CEP126: variants seen among roughly 807,000 people sequenced by gnomAD.
CEP126 encodes centrosomal protein of 126 kDa.
Under a neutral mutation model 107.8 loss-of-function variants are expected in CEP126, and 74 were observed. That is an observed-to-expected ratio of 0.69 (90% CI 0.57 to 0.83). CEP126 has a LOEUF of 0.83. Ranked by LOEUF, CEP126 falls within the 40% of genes least tolerant of loss-of-function variation. CEP126 has a pLI of 0.00. For synonymous variants in CEP126, 449 were observed against 446.0 expected, an observed-to-expected ratio of 1.01 and a Z score of -0.08; for missense variants, 1,237 against 1,281.9, an observed-to-expected ratio of 0.96 and a Z score of 0.53.
rs144875493 is a variant in CEP126 at position 101,963,094 on chromosome 11, A to G, written c.2059A>G (p.Lys687Glu). ...STCAVNSADT[K>E]KSREDSISEN... is the part of the protein sequence containing the mutation. ...TTGTGCTGTAAATTCTGCTGATACA[A>G]AGAAGTCCAGGGAGGATTCTATCTC... The change falls in exon 6 of 11, where the codon AAG becomes GAG. Residue 687 changes from lysine (K) to glutamate (E), a missense_variant. Coordinates refer to ENST00000263468, the MANE Select transcript of CEP126 (RefSeq NM_020802.4). 117 of 1,614,016 alleles carry G rather than the reference A, an allele frequency of 7.2e-5. No homozygotes were observed. The highest frequency in any genetic ancestry group is 8.6e-5 in the Non-Finnish European group (102 of 1,180,010).
intron 2 of CEP126, among the ~76,000 whole-genome samples, chr11:101,936,772 A>G (rs990256237): frequency 6.6e-6 from 1 of 152,190 alleles, no homozygotes; most frequent in Non-Finnish European, 1.5e-5. Flanking sequence ...ATGAATGTGC[A>G]TTGAATACTG....
intron 1 of CEP126, chr11:101,916,522 C>A (rs1012933571): frequency 6.6e-6 from 1 of 152,256 alleles, no homozygotes; most frequent in Non-Finnish European, 1.5e-5. Flanking sequence ...TTCCTCTCAT[C>A]TATTCATTAT....
At chr11:101,984,296 C>T (rs569794458) in intron 8 of CEP126, among the ~76,000 whole-genome samples, 1 of 152,180 alleles carries the variant, frequency 6.6e-6, no homozygotes, top group African/African-American at 2.4e-5. Context: ...GCATTCCTGG[C>T]ACAACCTCTG....
chr11:101,926,970 T>C (rs1228606741), intron 2 of CEP126, among the ~76,000 whole-genome samples: 1 of 152,192 alleles, frequency 6.6e-6, no homozygotes, highest in Non-Finnish European at 1.5e-5. Context: ...AGTTCTTGCA[T>C]TGAGGATTAT....
chr11:101,995,837 A>G (rs1247774086), intron 10 of CEP126, among the ~76,000 whole-genome samples: 1 of 152,256 alleles, frequency 6.6e-6, no homozygotes. Flanking sequence ...TTTGCATTGT[A>G]TAAGTGGTCT....
intron 4 of CEP126, among the ~76,000 whole-genome samples, chr11:101,948,445 A>G (rs1419381017): frequency 6.6e-6 from 1 of 152,186 alleles, no homozygotes; most frequent in Non-Finnish European, 1.5e-5. Flanking sequence ...TAAAATGTTT[A>G]TATCTTTACT....
intron 2 of CEP126, among the ~76,000 whole-genome samples, chr11:101,935,916 G>T (rs987170924): frequency 2.0e-5 from 3 of 152,040 alleles, no homozygotes; most frequent in Non-Finnish European, 4.4e-5. Flanking sequence ...AGATCCACTT[G>T]AGGGGGAAGG....
chr11:101,993,264 T>C (rs1334638509), intron 10 of CEP126, among the ~76,000 whole-genome samples: 3 of 152,178 alleles, frequency 2.0e-5, no homozygotes, highest in African/African-American at 7.2e-5. Flanking sequence ...TTTGTGTTCA[T>C]GTGTACTCAA....
rs140571953 is a variant in CEP126 at position 101,963,494 on chromosome 11, A to C, written c.2459A>C (p.Gln820Pro). The C allele has an allele frequency of 1.2e-6, 2 of 1,614,070 alleles. No individual in the cohort carries two copies. The highest frequency in any genetic ancestry group is 1.7e-6 in the Non-Finnish European group (2 of 1,179,968). ...AGTGGTAAAAATATACAAGTGTCTC[A>C]GTGTCAACCAGTAACTCCTGAAAAT... ...IRSGKNIQVS[Q>P]CQPVTPENPQ... is the part of the protein sequence containing the mutation. The change falls in exon 6 of 11, where the codon CAG (glutamine) becomes CCG (proline). Residue 820 changes from glutamine to proline, a missense_variant. Around this residue, in one of 3 missense-constraint regions of CEP126, gnomAD observed 1,134 missense variants for 1,150.5 expected, o/e 0.99. Coordinates refer to ENST00000263468, the MANE Select transcript of CEP126 (RefSeq NM_020802.4).
chr11:101,973,726 A>T (rs531680039), intron 6 of CEP126, among the ~76,000 whole-genome samples: 1 of 152,168 alleles, frequency 6.6e-6, no homozygotes, highest in Non-Finnish European at 1.5e-5. Flanking sequence ...CTTTAGCCCT[A>T]TTTGTCTGGA....
rs148511798 is a variant in CEP126 at position 101,962,772 on chromosome 11, A to G, written c.1737A>G (p.Leu579=). The G allele has an allele frequency of 1.2e-5, 19 of 1,604,558 alleles. No homozygotes were observed. In the African/African-American group the frequency reaches 2.0e-4, roughly 17 times the overall value. Residue 579 remains leucine, a synonymous_variant, in exon 6 of 11, where the codon TTA becomes TTG. Transcript: ENST00000263468. ...RNGVRFLKSI[L]KKESKYEHGY... The stretch of plus-strand genomic sequence containing the variant: ...GTGTGAGATTTCTTAAAAGTATTTT[A>G]AAGAAAGAATCTAAATATGAACATG...
Position 101,962,173 on chromosome 11 carries a change from G to A in CEP126, c.1138G>A (p.Asp380Asn), listed in dbSNP as rs767006537. The change falls in exon 6 of 11, where the codon GAT becomes AAT. Residue 380 changes from aspartate to asparagine, a missense_variant. Asp to Asn is a conservative substitution (Grantham distance 23, BLOSUM62 1). Around this residue, in one of 3 missense-constraint regions of CEP126, gnomAD observed 1,134 missense variants for 1,150.5 expected, o/e 0.99. Transcript: ENST00000263468. ...ATCTAGCCCACCCATGTTTGTACTA[G>A]ATAAAAAATGTGAAAAGACCTCTGA... ...FVSSPPMFVLDKKCEKTSETS... is the reference protein window; with the variant it reads ...FVSSPPMFVLNKKCEKTSETS... 6.2e-7 allele frequency: 1 copy of A among 1,613,672 alleles called. No homozygotes were observed. Among genetic ancestry groups the A allele is most frequent in the South Asian group, 1.1e-5 (1 of 91,006 alleles).
In CEP126 at chr11:101,961,772, A is replaced by T. The variant is rs763111492; in HGVS notation, c.737A>T (p.Asn246Ile). Residue 246 changes from asparagine (N) to isoleucine (I), a missense_variant, in exon 6 of 11, where the codon AAT (asparagine) becomes ATT (isoleucine). Physicochemically the swap from Asn to Ile is moderately radical, Grantham distance 149 (BLOSUM62 -3). This residue lies in a region of CEP126 where 1,134 missense variants were observed against 1,150.5 expected (regional missense o/e 0.99). Transcript: ENST00000263468. ...KFCDEVNQITNSETLSSIDSL... is the reference protein window; with the variant it reads ...KFCDEVNQITISETLSSIDSL... Reference sequence around the variant, plus strand: ...TGTGATGAAGTTAATCAGATAACCAATTCTGAAACCCTCTCAAGTATAGAC... The same window carrying T: ...TGTGATGAAGTTAATCAGATAACCATTTCTGAAACCCTCTCAAGTATAGAC... 1.3e-6 allele frequency: 2 copies of T among 1,557,292 alleles called. No individual in the cohort carries two copies. Among genetic ancestry groups the T allele is most frequent in the Non-Finnish European group, 1.7e-6 (2 of 1,156,324 alleles).
chr11:101,924,268 A>T (rs10895221), intron 2 of CEP126, among the ~76,000 whole-genome samples: 8,502 of 152,260 alleles, frequency 0.056, 460 homozygotes, highest in East Asian at 0.26. Context: ...TTCACCTTTT[A>T]TAAGGGGGCT....
intron 2 of CEP126, among the ~76,000 whole-genome samples, chr11:101,934,963 A>T (rs1481370390): frequency 6.6e-6 from 1 of 152,086 alleles, no homozygotes; most frequent in Non-Finnish European, 1.5e-5. Flanking sequence ...TTAACCATAT[A>T]AGAAGATGTC....
chr11:101,915,278 G>C lies in CEP126; in HGVS notation c.-7G>C. On this transcript the variant is annotated 5_prime_UTR_variant, in exon 1 of 11. Coordinates refer to ENST00000263468, the MANE Select transcript of CEP126 (RefSeq NM_020802.4). ...GGGCGAGCAGACAGGCGGCGCTGAA[G>C]TGAAGGATGCTGGCGGGGAGGCCCG... is the stretch of plus-strand genomic sequence containing the variant. 6.2e-7 allele frequency: 1 copy of C among 1,613,560 alleles called. No individual in the cohort carries two copies. Among genetic ancestry groups the C allele is most frequent in the Non-Finnish European group, 8.5e-7 (1 of 1,179,912 alleles).
intron 1 of CEP126, among the ~76,000 whole-genome samples, chr11:101,920,496 T>TA (rs150898202): frequency 6.6e-6 from 1 of 152,016 alleles, no homozygotes; most frequent in Non-Finnish European, 1.5e-5. Context: ...CTGTTTGTTC[T>TA]AAAAAAGACA....
At chr11:101,964,255 A>G (rs1323433807) in intron 6 of CEP126, among the ~76,000 whole-genome samples, 1 of 151,274 alleles carries the variant, frequency 6.6e-6, no homozygotes, top group Non-Finnish European at 1.5e-5. Context: ...GTGAGCCGAG[A>G]TCATGTCACT....
rs188576103 is a variant in CEP126 at position 101,936,825 on chromosome 11, C to G, written c.249-7440C>G. Among the ~76,000 whole-genome samples the G allele has an allele frequency of 2.7e-3, 407 of 152,244 alleles. 2 individuals are homozygous for G. The highest frequency in any genetic ancestry group is 9.4e-3 in the African/African-American group (390 of 41,554). The stretch of plus-strand genomic sequence containing the variant: ...ATCTATTTTGATGATCATATCACTT[C>G]CCTCTTTTTTGTCAATATAGTGAGA... On this transcript the variant is annotated intron_variant, in intron 2 of 10. Transcript: ENST00000263468.
Sources: allele counts gnomAD v4.1 joint callset (sites outside exome capture counted in the v4.1 genomes callset), GRCh38; gene constraint gnomAD v4.1.1; regional missense constraint gnomAD v4.1.1; transcripts MANE v1.5; gene names NCBI Gene and HGNC (gene_info 2026-07-23, HGNC 2026-07-21).